TMEM161B: variants seen among roughly 807,000 people sequenced by gnomAD.
TMEM161B encodes transmembrane protein 161B.
TMEM161B carries 34 observed loss-of-function variants against 61.8 expected under a neutral mutation model. The observed-to-expected ratio is 0.55, with a 90% confidence interval of 0.42 to 0.73. The LOEUF (loss-of-function observed/expected upper bound fraction) is 0.73. Ranked by LOEUF, TMEM161B falls within the 30% of genes least tolerant of loss-of-function variation. The pLI is 0.00. For synonymous variants in TMEM161B, 167 were observed against 192.8 expected, an observed-to-expected ratio of 0.87 and a Z score of 1.11; for missense variants, 456 against 558.5, an observed-to-expected ratio of 0.82 and a Z score of 1.85.
At chr5:88,251,845 C>T (rs1048731109) in intron 1 of TMEM161B, among the ~76,000 whole-genome samples, 6 of 152,108 alleles carry the variant, frequency 3.9e-5, no homozygotes, top group African/African-American at 1.4e-4. Context: ...TCCTGGCTAT[C>T]ATCAGGCACT....
intron 9 of TMEM161B, chr5:88,201,049 T>C (rs1744301846): frequency 9.3e-6 from 1 of 107,986 alleles, no homozygotes; most frequent in African/African-American, 2.6e-5. Context: ...ATTTTAGATT[T>C]TTAACAAAAA....
intron 5 of TMEM161B, among the ~76,000 whole-genome samples, chr5:88,216,159 T>A (rs1747790449): frequency 1.3e-5 from 2 of 152,116 alleles, no homozygotes. Context: ...GGCAGGAGGA[T>A]CACTTGAGCC....
intron 5 of TMEM161B, among the ~76,000 whole-genome samples, chr5:88,211,702 T>C (rs769276049): frequency 1.2e-4 from 18 of 147,030 alleles, no homozygotes; most frequent in Non-Finnish European, 2.1e-4. Context: ...ATCCAGGAGA[T>C]GGAGGTTGCA....
At chr5:88,223,952 C>T (rs987674947) in intron 4 of TMEM161B, among the ~76,000 whole-genome samples, 4 of 151,924 alleles carry the variant, frequency 2.6e-5, no homozygotes, top group African/African-American at 4.8e-5. Context: ...TTGTTCTTCA[C>T]TGATATTTTT....
intron 1 of TMEM161B, among the ~76,000 whole-genome samples, chr5:88,249,508 G>A (rs907166583): frequency 1.4e-4 from 22 of 151,992 alleles, no homozygotes; most frequent in Admixed American, 3.3e-4. Context: ...AATCTTGCAC[G>A]TAGTTCCAAT....
chr5:88,193,841 CTTA>C (rs1749228898), downstream of TMEM161B, among the ~76,000 whole-genome samples: 1 of 152,082 alleles, frequency 6.6e-6, no homozygotes, highest in Admixed American at 6.5e-5. Context: ...TTGGTATCAT[CTTA>C]TTATAAAACA....
chr5:88,268,749 G>C lies in TMEM161B; in HGVS notation c.-26C>G. 6.2e-7 allele frequency: 1 copy of C among 1,614,040 alleles called. No homozygotes were observed. Among genetic ancestry groups the C allele is most frequent in the Non-Finnish European group, 8.5e-7 (1 of 1,179,944 alleles). On this transcript the variant is annotated 5_prime_UTR_variant, in exon 1 of 12. Transcript: ENST00000296595. ...GGCGCCTAGGATAGGTCGTGGACCA[G>C]ACACCCTGGAGTTGCCGGGGCAGTC...
intron 3 of TMEM161B, among the ~76,000 whole-genome samples, chr5:88,227,675 G>C (rs1750283845): frequency 6.6e-6 from 1 of 152,028 alleles, no homozygotes; most frequent in Non-Finnish European, 1.5e-5. Context: ...ATTAGGCTAG[G>C]TTAGCATTTT....
chr5:88,211,977 A>G (rs1746896487), intron 5 of TMEM161B, among the ~76,000 whole-genome samples: 2 of 152,172 alleles, frequency 1.3e-5, no homozygotes, highest in African/African-American at 4.8e-5. Flanking sequence ...AAGGAAGTAA[A>G]AAAGATCCTC....
chr5:88,189,586 G>A (rs1339058873), downstream of TMEM161B: 1 of 154,806 alleles, frequency 6.5e-6, no homozygotes, highest in Non-Finnish European at 1.4e-5. Flanking sequence ...TCAATCACCT[G>A]GGGAGAAAGG....
At chr5:88,243,268 G>A (rs1348939274) in intron 1 of TMEM161B, among the ~76,000 whole-genome samples, 4 of 151,186 alleles carry the variant, frequency 2.6e-5, no homozygotes, top group African/African-American at 4.8e-5. Flanking sequence ...AGGCCCTAGT[G>A]TATGTTGTTC....
downstream of TMEM161B, among the ~76,000 whole-genome samples, chr5:88,192,014 A>ATATGTATATATATATG (rs1748985997): frequency 1.1e-5 from 1 of 93,788 alleles, no homozygotes; most frequent in African/African-American, 4.5e-5. Flanking sequence ...ATATATATAT[A>ATATGTATATATATATG]TATATATATA....
chr5:88,221,526 T>A, intron 4 of TMEM161B: 1 of 318,052 alleles, frequency 3.1e-6, no homozygotes, highest in Non-Finnish European at 6.3e-6. Flanking sequence ...AAACTAAATA[T>A]ACCTCTTATA....
intron 1 of TMEM161B, among the ~76,000 whole-genome samples, chr5:88,248,601 T>G (rs1236220533): frequency 6.6e-6 from 1 of 151,818 alleles, no homozygotes; most frequent in Non-Finnish European, 1.5e-5. Context: ...GGTACCTCTG[T>G]TTTTCCCAGG....
chr5:88,259,024 G>A (rs1386125224), intron 1 of TMEM161B, among the ~76,000 whole-genome samples: 1 of 152,124 alleles, frequency 6.6e-6, no homozygotes, highest in African/African-American at 2.4e-5. Context: ...ATAAAATGGA[G>A]CAGAACAGCT....
At position 88,189,682 on chromosome 5, in the gene TMEM161B, G is replaced by A. The variant is rs959052072; in HGVS notation, c.*370C>T. The A allele has an allele frequency of 3.5e-5, 6 of 170,254 alleles. No homozygotes were observed. The South Asian group carries it at 8.0e-4, about 23-fold the overall frequency. 10.5% of individuals were successfully genotyped at this position (170,254 alleles called of 1,614,324 possible). On this transcript the variant is annotated 3_prime_UTR_variant, in exon 13 of 13. Transcript: ENST00000514135. ...ATTTTTCCTAAAGCCTGTAGCTGTC[G>A]CTGTAACTCAATTTCACCTAACTCT...
At chr5:88,224,963 T>G (rs918365686) in intron 4 of TMEM161B, among the ~76,000 whole-genome samples, 3 of 135,650 alleles carry the variant, frequency 2.2e-5, no homozygotes, top group Non-Finnish European at 3.2e-5. Flanking sequence ...AAATATGTTT[T>G]TGTTTTTTTT....
chr5:88,253,636 T>C lies in TMEM161B; in HGVS notation c.4-12720A>G, dbSNP rs550183947. Among the ~76,000 whole-genome samples, 11 of 152,202 alleles carry C rather than the reference T, an allele frequency of 7.2e-5. No individual in the cohort carries two copies. In the East Asian group the frequency reaches 1.5e-3, roughly 21 times the overall value. On this transcript the variant is annotated intron_variant, in intron 1 of 11. Coordinates refer to ENST00000296595, the MANE Select transcript of TMEM161B (RefSeq NM_153354.5). Reference sequence around the variant, plus strand: ...AGTACTTGGAAATAATCCCAGGATATAAAGCCTGGAAGTAACCAAATCAAA... The same window carrying C: ...AGTACTTGGAAATAATCCCAGGATACAAAGCCTGGAAGTAACCAAATCAAA...
chr5:88,236,967 ACT>A (rs767325744), intron 2 of TMEM161B, among the ~76,000 whole-genome samples: 1 of 152,108 alleles, frequency 6.6e-6, no homozygotes, highest in Non-Finnish European at 1.5e-5. Context: ...CAAATTTAAA[ACT>A]CTATTCAAGT....
Sources: allele counts gnomAD v4.1 joint callset (sites outside exome capture counted in the v4.1 genomes callset), GRCh38; gene constraint gnomAD v4.1.1; transcripts MANE v1.5; gene names NCBI Gene and HGNC (gene_info 2026-07-23, HGNC 2026-07-21).